Variants in SUMF1 observed in about 807,000 individuals in gnomAD.
SUMF1 encodes the protein formylglycine-generating enzyme.
A neutral mutation model predicts 47.6 loss-of-function variants in SUMF1; 48 were observed. That is an observed-to-expected ratio of 1.01 (90% CI 0.80 to 1.28). The LOEUF (loss-of-function observed/expected upper bound fraction) is 1.28. Among genes scored for constraint, SUMF1 ranks in the 50% most tolerant of loss-of-function variants. The pLI is 0.00. For missense variants in SUMF1, 571 were observed against 485.4 expected, an observed-to-expected ratio of 1.18 and a Z score of -1.66; for synonymous variants, 230 against 192.1, an observed-to-expected ratio of 1.20 and a Z score of -1.63.
intron 8 of SUMF1, among the ~76,000 whole-genome samples, chr3:4,092,560 C>T (rs11916058): frequency 0.046 from 7,062 of 152,158 alleles, 461 homozygotes; most frequent in East Asian, 0.16. Context: ...AAAGATTAAC[C>T]TTCAAATTGG....
intron 8 of SUMF1, among the ~76,000 whole-genome samples, chr3:4,339,452 C>G (rs1031240018): frequency 6.6e-6 from 1 of 152,176 alleles, no homozygotes; most frequent in Non-Finnish European, 1.5e-5. Flanking sequence ...GAAATCTCAA[C>G]GAAGACCTCA....
intron 8 of SUMF1, among the ~76,000 whole-genome samples, chr3:4,201,806 G>A (rs1574973528): frequency 6.6e-6 from 1 of 151,840 alleles, no homozygotes; most frequent in Admixed American, 6.6e-5. Context: ...ATGTCTTTTC[G>A]ATGAAAGCCA....
chr3:4,151,556 T>TATACAC (rs1694334770), intron 8 of SUMF1, among the ~76,000 whole-genome samples: 1 of 137,276 alleles, frequency 7.3e-6, no homozygotes, highest in East Asian at 2.1e-4. Flanking sequence ...TGTGTGTATA[T>TATACAC]ACACACACAC....
intron 9 of SUMF1, among the ~76,000 whole-genome samples, chr3:4,049,556 C>A (rs1695066320): frequency 6.6e-6 from 1 of 152,056 alleles, no homozygotes; most frequent in African/African-American, 2.4e-5. Context: ...TCCTCAAACC[C>A]CTTATGTGAG....
chr3:4,432,250 C>T (rs1702256270), intron 3 of SUMF1, among the ~76,000 whole-genome samples: 2 of 151,302 alleles, frequency 1.3e-5, no homozygotes, highest in Admixed American at 1.3e-4. Flanking sequence ...TACTAGATTC[C>T]TGTCTTTTCT....
intron 9 of SUMF1, among the ~76,000 whole-genome samples, chr3:4,059,562 C>T (rs575926737): frequency 2.6e-5 from 4 of 152,242 alleles, no homozygotes; most frequent in Admixed American, 1.3e-4. Context: ...ATAAACATTG[C>T]ATTTTGCAGA....
At chr3:4,410,760 C>T in intron 7 of SUMF1, 105 bp downstream of exon 7, 1 of 991,998 alleles carries the variant, frequency 1.0e-6, no homozygotes, top group Non-Finnish European at 1.6e-6. Context: ...GATTAATTTC[C>T]AGAGTATGTA....
intron 9 of SUMF1, among the ~76,000 whole-genome samples, chr3:4,039,288 T>A (rs953609672): frequency 9.0e-6 from 1 of 111,420 alleles, no homozygotes; most frequent in Admixed American, 1.0e-4. Context: ...TAGTTACATA[T>A]GTATACATGT....
chr3:4,367,362 G>A (rs1294961130), intron 8 of SUMF1, among the ~76,000 whole-genome samples: 1 of 152,176 alleles, frequency 6.6e-6, no homozygotes, highest in Non-Finnish European at 1.5e-5. Context: ...CTTGAGCTGT[G>A]GTGGGCTCCA....
chr3:4,437,004 G>A (rs371662293), intron 3 of SUMF1, among the ~76,000 whole-genome samples: 1 of 152,142 alleles, frequency 6.6e-6, no homozygotes, highest in African/African-American at 2.4e-5. Flanking sequence ...TTTACTTAGT[G>A]AAAGTATCTT....
chr3:4,207,034 T>A (rs35629785), intron 8 of SUMF1, among the ~76,000 whole-genome samples: 1 of 151,870 alleles, frequency 6.6e-6, no homozygotes, highest in Non-Finnish European at 1.5e-5. Flanking sequence ...CTCTTAGCAA[T>A]GTTTTATAGT....
rs113364738 is a variant in SUMF1 at position 4,179,295 on chromosome 3, G to C, written c.1015-110550C>G. ...ACCTGACTTCAAACTATACTACAAG[G>C]CTTCAGTAACCAAAACAGCATGCTA... On this transcript the variant is annotated intron_variant and NMD_transcript_variant, in intron 8 of 12. Transcript: ENST00000448413. 4.2e-3 allele frequency among the ~76,000 whole-genome samples: 639 copies of C among 152,190 alleles called. 6 individuals carry two copies. The highest frequency in any genetic ancestry group is 0.015 in the African/African-American group (604 of 41,518).
At chr3:4,236,117 G>A (rs963316211) in intron 8 of SUMF1, among the ~76,000 whole-genome samples, 3 of 151,996 alleles carry the variant, frequency 2.0e-5, no homozygotes, top group Non-Finnish European at 4.4e-5. Flanking sequence ...CTAATTTTTT[G>A]TATAGATGGG....
Position 4,410,919 on chromosome 3 carries a change from T to C in SUMF1, c.900A>G (p.Glu300=). Residue 300 remains glutamate, a synonymous_variant, in exon 7 of 9, where the codon GAA becomes GAG. Transcript: ENST00000272902. ...GLYNIVGNAW[E]WTSDWWTVHH... ...GAACAGTCCACCAGTCTGAAGTCCATTCCCATGCGTTCCCCACTATGTTGT... is the reference window on the plus strand; with the variant it reads ...GAACAGTCCACCAGTCTGAAGTCCACTCCCATGCGTTCCCCACTATGTTGT... The C allele has an allele frequency of 1.2e-6, 2 of 1,614,108 alleles. No individual in the cohort carries two copies. The highest frequency in any genetic ancestry group is 1.7e-6 in the Non-Finnish European group (2 of 1,179,952).
intron 8 of SUMF1, chr3:4,303,798 C>T: frequency 7.1e-7 from 1 of 1,412,738 alleles, no homozygotes; most frequent in Non-Finnish European, 9.4e-7. Flanking sequence ...TTGTCCAGTC[C>T]TGTCCTCAGA....
chr3:4,450,209 A>G (rs7624484), intron 2 of SUMF1, among the ~76,000 whole-genome samples: 12,294 of 152,244 alleles, frequency 0.081, 621 homozygotes, highest in East Asian at 0.2. Flanking sequence ...GCACACAGCT[A>G]GTTGTTCTAA....
chr3:4,158,054 C>T lies in SUMF1; in HGVS notation c.1015-89309G>A, dbSNP rs1036806921. Among the ~76,000 whole-genome samples the T allele has an allele frequency of 2.5e-4, 38 of 151,520 alleles. 1 individual carries two copies. Among genetic ancestry groups the T allele is most frequent in the African/African-American group, 9.3e-4 (38 of 40,880 alleles). The stretch of plus-strand genomic sequence containing the variant: ...CTAGACAACCCAAGATAATTCAGTC[C>T]AATTGAGTTCAATTCAAAGAGCATC... On this transcript the variant is annotated intron_variant and NMD_transcript_variant, in intron 8 of 12. Coordinates refer to the SUMF1 transcript ENST00000448413.
chr3:4,460,584 T>C (rs1282386673), intron 1 of SUMF1, among the ~76,000 whole-genome samples: 1 of 150,438 alleles, frequency 6.6e-6, no homozygotes, highest in Non-Finnish European at 1.5e-5. Context: ...CTAGCTCATG[T>C]GCCCTCACAC....
chr3:4,439,034 ACTATG>A (rs1387494633), intron 3 of SUMF1, among the ~76,000 whole-genome samples: 16 of 152,172 alleles, frequency 1.1e-4, no homozygotes, highest in African/African-American at 3.1e-4. Flanking sequence ...AATCTTATAA[ACTATG>A]TGTTAAAGAA....
Sources: gnomAD v4.1 joint callset for allele counts (sites outside exome capture counted in the v4.1 genomes callset) on GRCh38, gnomAD v4.1.1 for gene constraint, MANE v1.5 for transcripts, NCBI Gene and HGNC (gene_info 2026-07-23, HGNC 2026-07-21) for gene names.